The following ELF1 variants were observed in gnomAD, a reference collection of about 807,000 sequenced individuals.
ELF1 encodes ETS-related transcription factor Elf-1.
A neutral mutation model predicts 59.9 loss-of-function variants in ELF1; 24 were observed. That is an observed-to-expected ratio of 0.40 (90% CI 0.29 to 0.56). The LOEUF (loss-of-function observed/expected upper bound fraction) is 0.56. ELF1 is among the 20% of genes least tolerant of loss of function. ELF1 has a pLI of 0.44. For missense variants in ELF1, 627 were observed against 742.2 expected, an observed-to-expected ratio of 0.84 and a Z score of 1.80; for synonymous variants, 248 against 266.2, an observed-to-expected ratio of 0.93 and a Z score of 0.67.
At position 40,992,164 on chromosome 13, in the gene ELF1, G is replaced by A. The variant is rs1873888951; in HGVS notation, c.-228-9882C>T. 2.0e-5 allele frequency among the ~76,000 whole-genome samples: 3 copies of A among 152,082 alleles called. No homozygotes were observed. The South Asian group carries it at 6.2e-4, about 31-fold the overall frequency. ...AGCCATCCTGATAATTATTTTATTT[G>A]TCATTTGCAGATGAGAAAATGAACT... is the stretch of plus-strand genomic sequence containing the variant. On this transcript the variant is annotated intron_variant, in intron 1 of 8. Transcript: ENST00000239882.
At chr13:40,956,207 T>C (rs1404065588) in intron 3 of ELF1, among the ~76,000 whole-genome samples, 1 of 151,414 alleles carries the variant, frequency 6.6e-6, no homozygotes, top group South Asian at 2.1e-4. Context: ...CGTGGGAGAC[T>C]TTTCATTTTG....
chr13:40,935,600 T>C (rs957240891), intron 8 of ELF1, among the ~76,000 whole-genome samples: 1 of 152,018 alleles, frequency 6.6e-6, no homozygotes, highest in African/African-American at 2.4e-5. Context: ...CCAAGTTCTC[T>C]TGCCCATTTG....
chr13:41,000,881 T>C (rs565601297), intron 1 of ELF1, among the ~76,000 whole-genome samples: 23 of 151,950 alleles, frequency 1.5e-4, no homozygotes, highest in South Asian at 1.0e-3. Context: ...AAATAAATCA[T>C]AAAATAAATA....
At chr13:40,994,213 C>A (rs1874019360) in intron 1 of ELF1, among the ~76,000 whole-genome samples, 1 of 152,194 alleles carries the variant, frequency 6.6e-6, no homozygotes, top group Non-Finnish European at 1.5e-5. Flanking sequence ...TCAGAATACA[C>A]TGATACCAGG....
At chr13:40,979,594 AAAT>A (rs1873139450) in intron 2 of ELF1, among the ~76,000 whole-genome samples, 2 of 152,248 alleles carry the variant, frequency 1.3e-5, no homozygotes, top group Non-Finnish European at 1.5e-5. Flanking sequence ...ACTGTAAAAT[AAAT>A]AATGGGCTGC....
intron 1 of ELF1, among the ~76,000 whole-genome samples, chr13:41,003,558 G>A (rs1218091249): frequency 6.6e-6 from 1 of 152,120 alleles, no homozygotes; most frequent in Non-Finnish European, 1.5e-5. Flanking sequence ...GAAAATTATT[G>A]CTCTGTTGAC....
Position 40,941,150 on chromosome 13 carries a change from T to A in ELF1, c.1027A>T (p.Thr343Ser), listed in dbSNP as rs1056820. 1,022,472 of 1,613,980 alleles carry A rather than the reference T, an allele frequency of 0.63. 338,321 individuals are homozygous for A. Among genetic ancestry groups the A allele is most frequent in the Non-Finnish European group, 0.68 (799,868 of 1,179,980 alleles). Residue 343 changes from threonine to serine, a missense_variant, in exon 8 of 9, where the codon ACA (threonine) becomes TCA (serine). Physicochemically the swap from Thr to Ser is moderately conservative, Grantham distance 58 (BLOSUM62 1). Around this residue, in one of 3 missense-constraint regions of ELF1, gnomAD observed 361 missense variants for 396.1 expected, o/e 0.91. Coordinates refer to ENST00000239882, the MANE Select transcript of ELF1 (RefSeq NM_172373.4). ...TTAGAATTCCCTGGTTTTAGAACTGTAGTGGCTCCTCCTTTTACCCCTGGA... is the reference window on the plus strand; with the variant it reads ...TTAGAATTCCCTGGTTTTAGAACTGAAGTGGCTCCTCCTTTTACCCCTGGA... ...SSPGVKGGAT[T>S]VLKPGNSKAA...
intron 7 of ELF1, among the ~76,000 whole-genome samples, chr13:40,941,585 G>A (rs1449825118): frequency 6.6e-6 from 1 of 152,146 alleles, no homozygotes; most frequent in Non-Finnish European, 1.5e-5. Context: ...TAAAACTAAT[G>A]CTGATTGGGG....
chr13:41,061,222 G>C (rs1877602881), exon 1 of ELF1: 1 of 229,084 alleles, frequency 4.4e-6, no homozygotes, highest in Non-Finnish European at 8.9e-6. Context: ...AGCTGTTTGC[G>C]TTCCGGGCGG....
exon 1 of ELF1, chr13:41,060,938 CG>C (rs1877569926): frequency 5.8e-6 from 2 of 344,168 alleles, no homozygotes; most frequent in South Asian, 2.2e-5. Flanking sequence ...CCGCCGCCGC[CG>C]CCGCCGCTGC....
At chr13:40,968,662 A>C (rs1018015985) in intron 2 of ELF1, among the ~76,000 whole-genome samples, 2 of 152,130 alleles carry the variant, frequency 1.3e-5, no homozygotes, top group African/African-American at 2.4e-5. Context: ...TATGCCACTA[A>C]AACAGCTCCA....
At position 40,934,258 on chromosome 13, in the gene ELF1, G is replaced by A. The variant is rs11147829; in HGVS notation, c.1257-230C>T. On this transcript the variant is annotated intron_variant, in intron 8 of 8. Transcript: ENST00000239882. Reference sequence around the variant, plus strand: ...CATTAACTATGATACCATCTGCTGAGTGCTATGGAAGAAAGGTCTGTACAT... The same window carrying A: ...CATTAACTATGATACCATCTGCTGAATGCTATGGAAGAAAGGTCTGTACAT... 2.7e-3 allele frequency among the ~76,000 whole-genome samples: 405 copies of A among 152,206 alleles called. 6 individuals are homozygous for A. In the East Asian group the frequency reaches 0.052, roughly 19 times the overall value.
chr13:41,002,039 T>C (rs1399595343), intron 1 of ELF1, among the ~76,000 whole-genome samples: 2 of 151,198 alleles, frequency 1.3e-5, no homozygotes, highest in Non-Finnish European at 2.9e-5. Flanking sequence ...GGACTAAGAG[T>C]TGTGGGGAGA....
chr13:41,060,954 G>A (rs1877575585), exon 1 of ELF1: 3 of 355,152 alleles, frequency 8.4e-6, no homozygotes, highest in South Asian at 4.3e-5. Flanking sequence ...CGCTGCTGCT[G>A]CCCACACGCT....
intron 3 of ELF1, among the ~76,000 whole-genome samples, chr13:40,956,733 C>T (rs1871472056): frequency 6.6e-6 from 1 of 150,648 alleles, no homozygotes; most frequent in African/African-American, 2.4e-5. Context: ...GCTCTCATTG[C>T]CCAGGCTGGA....
intron 1 of ELF1, among the ~76,000 whole-genome samples, chr13:41,027,644 T>C (rs1875990988): frequency 6.6e-6 from 1 of 152,156 alleles, no homozygotes; most frequent in Non-Finnish European, 1.5e-5. Context: ...TAGATACAAA[T>C]TTGCCTTTCC....
chr13:40,943,905 G>C lies in ELF1; in HGVS notation c.550C>G (p.Arg184Gly). 6.2e-7 allele frequency: 1 copy of C among 1,613,674 alleles called. No homozygotes were observed. The highest frequency in any genetic ancestry group is 8.5e-7 in the Non-Finnish European group (1 of 1,179,808). ...RKKGRKTKPP[R>G]PDSPATTPNI... is the part of the protein sequence containing the mutation. The stretch of plus-strand genomic sequence containing the variant: ...GGCGTAGTGGCTGGGGAATCTGGTC[G>C]TGGTGGTTTAGTTTTTCTTCCTGAA... The change falls in exon 6 of 9, where the codon CGA becomes GGA. Residue 184 changes from arginine (R) to glycine (G), a missense_variant. Arg to Gly is a moderately radical substitution (Grantham distance 125). Around this residue, in one of 3 missense-constraint regions of ELF1, gnomAD observed 232 missense variants for 269.2 expected, o/e 0.86. Transcript: ENST00000239882.
chr13:40,948,773 T>C (rs1347005303), intron 5 of ELF1, among the ~76,000 whole-genome samples: 4 of 152,208 alleles, frequency 2.6e-5, no homozygotes, highest in Non-Finnish European at 5.9e-5. Flanking sequence ...TACCTGCTGA[T>C]TTCCAACCCA....
chr13:41,042,709 T>C (rs1876670573), intron 1 of ELF1, among the ~76,000 whole-genome samples: 2 of 152,330 alleles, frequency 1.3e-5, no homozygotes, highest in South Asian at 2.1e-4. Context: ...AGTCTATCAT[T>C]GATGGACATT....
Sources: gnomAD v4.1 joint callset for allele counts (sites outside exome capture counted in the v4.1 genomes callset) on GRCh38, gnomAD v4.1.1 for gene constraint, gnomAD v4.1.1 regional missense constraint, MANE v1.5 for transcripts, NCBI Gene and HGNC (gene_info 2026-07-23, HGNC 2026-07-21) for gene names.